The following SGSM1 variants were observed in gnomAD, a reference collection of about 807,000 sequenced individuals.
SGSM1 encodes RUN and TBC1 domain containing 2.
Under a neutral mutation model 133.8 loss-of-function variants are expected in SGSM1, and 73 were observed. The observed-to-expected ratio is 0.55, with a 90% confidence interval of 0.45 to 0.66. The LOEUF (loss-of-function observed/expected upper bound fraction) is 0.66, where lower values mean the gene tolerates loss of function less well. Ranked by LOEUF, SGSM1 falls within the 30% of genes least tolerant of loss-of-function variation. SGSM1 has a pLI of 0.00. For synonymous variants in SGSM1, 563 were observed against 573.0 expected, an observed-to-expected ratio of 0.98 and a Z score of 0.25; for missense variants, 1,213 against 1,448.1, an observed-to-expected ratio of 0.84 and a Z score of 2.64.
At chr22:24,892,884 T>TA (rs71320793) in intron 16 of SGSM1, among the ~76,000 whole-genome samples, 38,105 of 118,584 alleles carry the variant, frequency 0.32, 7,152 homozygotes, top group East Asian at 0.6. Context: ...CCGTCTCTAC[T>TA]AAAAAAAAAA....
At chr22:24,876,239 C>T (rs979704304) in intron 12 of SGSM1, among the ~76,000 whole-genome samples, 4 of 152,202 alleles carry the variant, frequency 2.6e-5, no homozygotes, top group Non-Finnish European at 5.9e-5. Context: ...CTCCCCTTCC[C>T]TCCTGCAGCA....
At position 24,868,363 on chromosome 22, in the gene SGSM1, G is replaced by A. The variant is rs763206898; in HGVS notation, c.995-13G>A. On this transcript the variant is annotated splice_polypyrimidine_tract_variant and intron_variant, in intron 10 of 24. Transcript: ENST00000400358. ...ACTTCCACTGGGTCTTCTCTGGCTG[G>A]TGGTGGCGGCAGTTGACAGCGGCGG... 1 of 1,604,216 alleles carries A rather than the reference G, an allele frequency of 6.2e-7. No individual in the cohort carries two copies. The highest frequency in any genetic ancestry group is 8.5e-7 in the Non-Finnish European group (1 of 1,173,482).
At chr22:24,854,867 C>T in intron 5 of SGSM1, 129 bp from the exon 6 acceptor site, 1 of 662,338 alleles carries the variant, frequency 1.5e-6, no homozygotes, top group Non-Finnish European at 2.7e-6. Context: ...TTATTATCCC[C>T]ATTTTACAGA....
At chr22:24,852,309 A>T (rs540414108) in intron 5 of SGSM1, among the ~76,000 whole-genome samples, 1 of 152,176 alleles carries the variant, frequency 6.6e-6, no homozygotes, top group South Asian at 2.1e-4. Flanking sequence ...CTTTTAACGC[A>T]TGTGTAGTTT....
intron 2 of SGSM1, among the ~76,000 whole-genome samples, chr22:24,812,828 T>G (rs1038798647): frequency 2.6e-5 from 4 of 152,136 alleles, no homozygotes; most frequent in Non-Finnish European, 5.9e-5. Context: ...CCCACAAATA[T>G]TTATCAAGCA....
At chr22:24,818,678 C>T (rs185418209) in intron 2 of SGSM1, among the ~76,000 whole-genome samples, 2 of 151,900 alleles carry the variant, frequency 1.3e-5, no homozygotes, top group Admixed American at 6.6e-5. Flanking sequence ...TGGATTAGGA[C>T]GTTAAAATAT....
At chr22:24,918,496 A>AG (rs902686328) in intron 23 of SGSM1, among the ~76,000 whole-genome samples, 14 of 18,164 alleles carry the variant, frequency 7.7e-4, no homozygotes, top group African/African-American at 4.4e-3. Context: ...ACTCCATCTC[A>AG]AAAAAAAAAA....
chr22:24,839,194 G>A (rs1477824221), intron 2 of SGSM1, among the ~76,000 whole-genome samples: 1 of 152,034 alleles, frequency 6.6e-6, no homozygotes, highest in East Asian at 1.9e-4. Context: ...TAGCTGGATT[G>A]CAGGCACATG....
At position 24,876,117 on chromosome 22, in the gene SGSM1, G is replaced by A. The variant is rs186935118; in HGVS notation, c.1292-460G>A. Among the ~76,000 whole-genome samples, 39 of 152,316 alleles carry A rather than the reference G, an allele frequency of 2.6e-4. 1 individual carries two copies. Among genetic ancestry groups the A allele is most frequent in the Admixed American group, 5.9e-4 (9 of 15,306 alleles). On this transcript the variant is annotated intron_variant, in intron 12 of 24. Coordinates refer to ENST00000400358, the MANE Select transcript of SGSM1 (RefSeq NM_001098497.3). ...GACAGCGCAGGTGCCCTCTTCCTCA[G>A]CAGGGGCTTCACTGGGTCTCTGGCA...
chr22:24,839,849 T>C (rs1929681156), intron 2 of SGSM1, among the ~76,000 whole-genome samples: 1 of 152,162 alleles, frequency 6.6e-6, no homozygotes, highest in Non-Finnish European at 1.5e-5. Context: ...ATTTCTGATT[T>C]TAATTTTGAG....
chr22:24,851,061 A>G (rs908717870), intron 5 of SGSM1, among the ~76,000 whole-genome samples: 5 of 148,728 alleles, frequency 3.4e-5, no homozygotes, highest in African/African-American at 7.5e-5. Context: ...AGATTGCGCC[A>G]CTGCACTCCA....
At chr22:24,807,420 G>A (rs1213101228) in intron 2 of SGSM1, among the ~76,000 whole-genome samples, 1 of 152,124 alleles carries the variant, frequency 6.6e-6, no homozygotes. Flanking sequence ...GTGGGTCTGT[G>A]TGTGTATATT....
At chr22:24,878,066 C>T (rs1932120130) in intron 13 of SGSM1, among the ~76,000 whole-genome samples, 1 of 152,100 alleles carries the variant, frequency 6.6e-6, no homozygotes, top group Admixed American at 6.6e-5. Context: ...CCACCTTGGC[C>T]TCCCAAAGTG....
chr22:24,921,006 A>C (rs1371031847), intron 24 of SGSM1, among the ~76,000 whole-genome samples: 1 of 152,220 alleles, frequency 6.6e-6, no homozygotes, highest in Non-Finnish European at 1.5e-5. Flanking sequence ...TAATCCAGGA[A>C]ACCACAGTCA....
chr22:24,904,026 C>A lies in SGSM1; in HGVS notation c.2736-1079C>A, dbSNP rs531232160. Among the ~76,000 whole-genome samples, 6 of 150,168 alleles carry A rather than the reference C, an allele frequency of 4.0e-5. No homozygotes were observed. The East Asian group carries it at 1.2e-3, about 30-fold the overall frequency. ...AAAAGAAAAAGAAAACTAAAGAAAC[C>A]ATTTAGCATAGAGGCTAAGATCATA... is the stretch of plus-strand genomic sequence containing the variant. On this transcript the variant is annotated intron_variant, in intron 20 of 24. Transcript: ENST00000400358.
At chr22:24,817,306 A>G (rs1341177367) in intron 2 of SGSM1, among the ~76,000 whole-genome samples, 1 of 151,890 alleles carries the variant, frequency 6.6e-6, no homozygotes, top group East Asian at 1.9e-4. Flanking sequence ...AGTTGTAGAA[A>G]CATCTTGTAC....
rs190398858 is a variant in SGSM1, at chr22:24,857,301, C to T, written c.801+1621C>T. ...TGGCATGTGCCTGTAGTCCCAACTA[C>T]TCGGGAGGCTGAGGCAGAACTGCTT... On this transcript the variant is annotated intron_variant, in intron 8 of 24. Coordinates refer to ENST00000400358, the MANE Select transcript of SGSM1 (RefSeq NM_001098497.3). 1.2e-4 allele frequency among the ~76,000 whole-genome samples: 18 copies of T among 149,610 alleles called. No individual in the cohort carries two copies. The East Asian group carries it at 3.4e-3, about 28-fold the overall frequency.
chr22:24,841,026 AT>A (rs981729681), intron 2 of SGSM1, among the ~76,000 whole-genome samples: 4 of 151,480 alleles, frequency 2.6e-5, no homozygotes, highest in South Asian at 4.2e-4. Context: ...AATTTTTTGT[AT>A]TTTTAGTAGA....
At chr22:24,921,593 C>T (rs532275163) in intron 24 of SGSM1, among the ~76,000 whole-genome samples, 3 of 152,234 alleles carry the variant, frequency 2.0e-5, no homozygotes, top group African/African-American at 7.2e-5. Context: ...AAAATTATAA[C>T]AGCACCCCAG....
Sources: allele counts gnomAD v4.1 joint callset (sites outside exome capture counted in the v4.1 genomes callset), GRCh38; gene constraint gnomAD v4.1.1; transcripts MANE v1.5; gene names NCBI Gene and HGNC (gene_info 2026-07-23, HGNC 2026-07-21).